ARHGEF10L: variants seen among roughly 807,000 people sequenced by gnomAD.
ARHGEF10L encodes rho guanine nucleotide exchange factor 10-like protein.
Under a neutral mutation model 141.2 loss-of-function variants are expected in ARHGEF10L, and 69 were observed. The observed-to-expected ratio is 0.49, with a 90% CI of 0.40 to 0.60. ARHGEF10L has a LOEUF of 0.60. Ranked by LOEUF, ARHGEF10L falls within the 20% of genes least tolerant of loss-of-function variation. The pLI is 0.00. For synonymous variants in ARHGEF10L, 711 were observed against 718.5 expected, an observed-to-expected ratio of 0.99 and a Z score of 0.17; for missense variants, 1,482 against 1,734.3, an observed-to-expected ratio of 0.85 and a Z score of 2.58.
At chr1:17,633,674 C>T (rs1229371359) in intron 16 of ARHGEF10L, among the ~76,000 whole-genome samples, 2 of 152,148 alleles carry the variant, frequency 1.3e-5, no homozygotes, top group Admixed American at 1.3e-4. Context: ...TAAAAAGCAT[C>T]ACAGAAGCAA....
At chr1:17,531,251 A>G in the ARHGEF10L span, among the ~76,000 whole-genome samples, 1 of 152,090 alleles carries the variant, frequency 6.6e-6, no homozygotes, top group African/African-American at 2.4e-5. Flanking sequence ...GGCAGAGGGA[A>G]GGGGCTCCGG....
Position 17,662,453 on chromosome 1 carries a change from G to A in ARHGEF10L, c.2861-1994G>A, listed in dbSNP as rs575923651. On this transcript the variant is annotated intron_variant, in intron 25 of 28. Coordinates refer to ENST00000361221, the MANE Select transcript of ARHGEF10L (RefSeq NM_018125.4). The stretch of plus-strand genomic sequence containing the variant: ...AAGTTCACACAGAAGTTCTGAGGCC[G>A]AGGACTGCCCTGCTCTGCCTGCTTC... 6.6e-5 allele frequency among the ~76,000 whole-genome samples: 10 copies of A among 152,328 alleles called. No individual in the cohort carries two copies. In the East Asian group the frequency reaches 1.4e-3, roughly 21 times the overall value.
the ARHGEF10L span, among the ~76,000 whole-genome samples, chr1:17,528,879 A>G: frequency 1.3e-5 from 2 of 152,284 alleles, no homozygotes; most frequent in African/African-American, 2.4e-5. Flanking sequence ...TTGTGTTTCC[A>G]TGGGATAATA....
At position 17,603,689 on chromosome 1, in the gene ARHGEF10L, C is replaced by A; in HGVS notation, c.433+98C>A. On this transcript the variant is annotated intron_variant, in intron 6 of 28. Transcript: ENST00000361221. The surrounding 1 kb of genome is among the most constrained non-coding windows in gnomAD (Gnocchi z 4.8). ...TCTTTCCGTTTCCTTCTGTCCCCAC[C>A]TGGCCAAGTGCCCCTCCTTCTTGTC... The A allele has an allele frequency of 9.2e-7, 1 of 1,087,014 alleles. No individual in the cohort carries two copies. The highest frequency in any genetic ancestry group is 1.3e-6 in the Non-Finnish European group (1 of 775,624). The allele number at this position is 1,087,014 out of a possible 1,614,324, so 67.3% of individuals were successfully genotyped here.
At chr1:17,668,370 A>G (rs1389231357) in intron 26 of ARHGEF10L, among the ~76,000 whole-genome samples, 1 of 152,216 alleles carries the variant, frequency 6.6e-6, no homozygotes, top group East Asian at 1.9e-4. Context: ...GGCCAAGGGA[A>G]GGACAGGGGC....
intron 4 of ARHGEF10L, 149 bp downstream of exon 4, chr1:17,588,628 G>A: frequency 3.1e-6 from 3 of 960,532 alleles, no homozygotes; most frequent in Non-Finnish European, 4.7e-6. Flanking sequence ...TGCCCTGGGG[G>A]AAGAGGTCAG....
At chr1:17,612,676 T>C (rs1336231276) in intron 7 of ARHGEF10L, among the ~76,000 whole-genome samples, 1 of 152,220 alleles carries the variant, frequency 6.6e-6, no homozygotes, top group East Asian at 1.9e-4. Context: ...GAAGCTCCTA[T>C]GTTACAAGCC....
intron 1 of ARHGEF10L, among the ~76,000 whole-genome samples, chr1:17,556,993 C>G (rs990882208): frequency 4.7e-5 from 7 of 150,192 alleles, no homozygotes; most frequent in Non-Finnish European, 1.0e-4. Flanking sequence ...TGAATAGCTA[C>G]TGCCCTCCAG....
chr1:17,535,529 G>A (rs147231447), upstream of ARHGEF10L, among the ~76,000 whole-genome samples: 349 of 152,304 alleles, frequency 2.3e-3, 2 homozygotes, highest in African/African-American at 7.9e-3. Context: ...CCAGATTGCT[G>A]AGCAATCTTG....
the ARHGEF10L span, among the ~76,000 whole-genome samples, chr1:17,527,208 G>A: frequency 6.6e-6 from 1 of 152,192 alleles, no homozygotes; most frequent in Non-Finnish European, 1.5e-5. Flanking sequence ...ATGCAGGGGT[G>A]GGGGAAGGGG....
At chr1:17,660,132 G>A (rs751281388) in intron 25 of ARHGEF10L, among the ~76,000 whole-genome samples, 12 of 152,188 alleles carry the variant, frequency 7.9e-5, no homozygotes, top group Admixed American at 3.9e-4. Flanking sequence ...TGAGACAGCC[G>A]GCCACTGTCC....
chr1:17,536,728 C>T (rs2076580951), upstream of ARHGEF10L, among the ~76,000 whole-genome samples: 1 of 152,142 alleles, frequency 6.6e-6, no homozygotes, highest in Admixed American at 6.5e-5. Flanking sequence ...TGACAGAGGG[C>T]TGCGAGTGAC....
chr1:17,656,075 C>T lies in ARHGEF10L; in HGVS notation c.2678C>T (p.Thr893Ile). ...GACCCCTCGGCCACGGTGCATCCAA[C>T]CATCTGCCTCGGGCTCCAGGATGGC... is the stretch of plus-strand genomic sequence containing the variant. ...VADPSATVHP[T>I]ICLGLQDGSI... The change falls in exon 24 of 29, where the codon ACC becomes ATC. Residue 893 changes from threonine to isoleucine, a missense_variant. By Grantham distance (89) the Thr-to-Ile change is moderately conservative. Transcript: ENST00000361221. This position sits in a 1 kb window ranked among gnomAD's most constrained non-coding sequence, Gnocchi z 4.9. 1.3e-6 allele frequency: 2 copies of T among 1,556,524 alleles called. No homozygotes were observed. The highest frequency in any genetic ancestry group is 1.7e-6 in the Non-Finnish European group (2 of 1,150,100).
At chr1:17,686,106 C>CTTTCTTTCTTT (rs1217247937) in intron 26 of ARHGEF10L, among the ~76,000 whole-genome samples, 1 of 99,390 alleles carries the variant, frequency 1.0e-5, no homozygotes, top group Admixed American at 9.4e-5. Context: ...TTCTTTCTTT[C>CTTTCTTTCTTT]TTTTTTTTTT....
intron 1 of ARHGEF10L, among the ~76,000 whole-genome samples, chr1:17,561,202 C>A (rs1570472829): frequency 6.6e-6 from 1 of 152,250 alleles, no homozygotes; most frequent in South Asian, 2.1e-4. Context: ...AGATGACTGT[C>A]TTCTAAGTCT....
At chr1:17,540,492 C>T (rs1006208499) in intron 1 of ARHGEF10L, among the ~76,000 whole-genome samples, 1 of 152,124 alleles carries the variant, frequency 6.6e-6, no homozygotes, top group Non-Finnish European at 1.5e-5. Context: ...GGCTGCGGAG[C>T]CGCCAGTCCC....
intron 1 of ARHGEF10L, among the ~76,000 whole-genome samples, chr1:17,562,933 A>G (rs1557710693): frequency 6.6e-6 from 1 of 152,186 alleles, no homozygotes; most frequent in Non-Finnish European, 1.5e-5. Context: ...GCAGGCGGCC[A>G]TGGGACCATC....
chr1:17,692,773 C>T (rs1030418707), intron 27 of ARHGEF10L, among the ~76,000 whole-genome samples: 4 of 152,246 alleles, frequency 2.6e-5, no homozygotes, highest in Non-Finnish European at 5.9e-5. Flanking sequence ...GAATTATGAG[C>T]CCCAGTCCTG....
At chr1:17,634,390 A>C in intron 16 of ARHGEF10L, 158 bp from the exon 17 acceptor site, 1 of 1,201,670 alleles carries the variant, frequency 8.3e-7, no homozygotes, top group Non-Finnish European at 1.2e-6. Flanking sequence ...GCTTCTGTCC[A>C]CACCTGGCCT....
Sources: allele counts gnomAD v4.1 joint callset (sites outside exome capture counted in the v4.1 genomes callset), GRCh38; gene constraint gnomAD v4.1.1; non-coding constraint Gnocchi (gnomAD v3.1); transcripts MANE v1.5; gene names NCBI Gene and HGNC (gene_info 2026-07-23, HGNC 2026-07-21).